The following PALLD variants were observed in gnomAD, a reference collection of about 807,000 sequenced individuals.
PALLD encodes the protein palladin, cytoskeletal associated protein, also known as palladin.
PALLD carries 61 observed loss-of-function variants against 123.5 expected under a neutral mutation model. That is an observed-to-expected ratio of 0.49 (90% CI 0.40 to 0.61). PALLD has a LOEUF of 0.61. PALLD is among the 20% of genes least tolerant of loss of function. The probability of loss-of-function intolerance (pLI) is 0.00; values close to 1 mark genes in which losing one functional copy is unlikely to be tolerated. For synonymous variants in PALLD, 465 were observed against 496.4 expected (o/e 0.94, Z 0.84); for missense variants, 1,273 against 1,377.0 (o/e 0.92, Z 1.20).
intron 10 of PALLD, among the ~76,000 whole-genome samples, chr4:168,783,299 G>A (rs1016790603): frequency 5.3e-5 from 8 of 152,060 alleles, no homozygotes; most frequent in Non-Finnish European, 1.0e-4. Context: ...TGATCTCCAG[G>A]AGCTCATAGT....
intron 8 of PALLD, among the ~76,000 whole-genome samples, chr4:168,704,517 A>G (rs1784032221): frequency 3.3e-5 from 5 of 152,038 alleles, no homozygotes; most frequent in Admixed American, 3.3e-4. Flanking sequence ...TAAAAATACA[A>G]AAAAATTAGC....
intron 10 of PALLD, among the ~76,000 whole-genome samples, chr4:168,780,262 C>T (rs1367666493): frequency 2.0e-5 from 3 of 152,198 alleles, no homozygotes; most frequent in African/African-American, 4.8e-5. Flanking sequence ...CTATTTTCCC[C>T]TCTTTTCCCT....
intron 10 of PALLD, among the ~76,000 whole-genome samples, chr4:168,754,742 A>T (rs1731545397): frequency 6.6e-6 from 1 of 152,188 alleles, no homozygotes; most frequent in Non-Finnish European, 1.5e-5. Flanking sequence ...AATACACACT[A>T]TACAGATGTT....
chr4:168,505,599 A>AC (rs1761923178), intron 1 of PALLD, among the ~76,000 whole-genome samples: 1 of 152,216 alleles, frequency 6.6e-6, no homozygotes, highest in Non-Finnish European at 1.5e-5. Context: ...AGTGCATAGA[A>AC]CATGAGCTCT....
intron 8 of PALLD, among the ~76,000 whole-genome samples, chr4:168,702,196 G>C (rs184763407): frequency 4.6e-5 from 7 of 151,952 alleles, no homozygotes; most frequent in African/African-American, 1.7e-4. Flanking sequence ...TAGAAAAAAA[G>C]AACATCAGCT....
chr4:168,847,600 A>T (rs1747061796), intron 10 of PALLD, among the ~76,000 whole-genome samples: 1 of 152,230 alleles, frequency 6.6e-6, no homozygotes, highest in African/African-American at 2.4e-5. Flanking sequence ...GAATTGTATG[A>T]GGATTGGTGG....
intron 2 of PALLD, among the ~76,000 whole-genome samples, chr4:168,657,622 T>C (rs1394041166): frequency 6.6e-6 from 1 of 152,214 alleles, no homozygotes; most frequent in Non-Finnish European, 1.5e-5. Context: ...GAGCAGCCTG[T>C]AAAATTGAGC....
At chr4:168,738,951 G>T (rs1788053321) in intron 10 of PALLD, among the ~76,000 whole-genome samples, 1 of 152,088 alleles carries the variant, frequency 6.6e-6, no homozygotes. Flanking sequence ...GTCCAGGCAG[G>T]TATCTATCAT....
chr4:168,497,944 T>A (rs116694965), intron 1 of PALLD, among the ~76,000 whole-genome samples: 1 of 152,220 alleles, frequency 6.6e-6, no homozygotes, highest in Non-Finnish European at 1.5e-5. Flanking sequence ...TTGCTAAAAA[T>A]ACTAATTGCC....
chr4:168,604,827 G>A (rs563346618), intron 2 of PALLD, among the ~76,000 whole-genome samples: 1 of 152,324 alleles, frequency 6.6e-6, no homozygotes, highest in South Asian at 2.1e-4. Flanking sequence ...GTCCTATTCA[G>A]TGTGTTAAAT....
At chr4:168,586,153 T>C in intron 2 of PALLD, among the ~76,000 whole-genome samples, 1 of 75,520 alleles carries the variant, frequency 1.3e-5, no homozygotes. Context: ...TCAAGAGACC[T>C]AAAAAAAAAA....
intron 15 of PALLD, among the ~76,000 whole-genome samples, chr4:168,907,620 A>G (rs1758077343): frequency 6.6e-6 from 1 of 152,164 alleles, no homozygotes; most frequent in Non-Finnish European, 1.5e-5. Flanking sequence ...AAGCCCCAAA[A>G]GAGAGTGGTT....
chr4:168,836,126 C>T (rs894229272), intron 10 of PALLD, among the ~76,000 whole-genome samples: 4 of 152,172 alleles, frequency 2.6e-5, no homozygotes, highest in Admixed American at 6.5e-5. Context: ...AGGTGAGCCT[C>T]TCTTCCTTGT....
At chr4:168,727,978 A>T (rs1267401578) in intron 10 of PALLD, among the ~76,000 whole-genome samples, 1 of 152,082 alleles carries the variant, frequency 6.6e-6, no homozygotes, top group Non-Finnish European at 1.5e-5. Flanking sequence ...CCTTTTCCCC[A>T]TTGCTTGTTT....
At chr4:168,856,157 G>A (rs1748579528) in intron 10 of PALLD, among the ~76,000 whole-genome samples, 1 of 152,156 alleles carries the variant, frequency 6.6e-6, no homozygotes. Context: ...CATCCATGTT[G>A]CTACAAAGGA....
chr4:168,848,134 G>A (rs1249697311), intron 10 of PALLD, among the ~76,000 whole-genome samples: 1 of 151,686 alleles, frequency 6.6e-6, no homozygotes, highest in South Asian at 2.1e-4. Flanking sequence ...AGCCTCCTCC[G>A]GCAACCCTAC....
chr4:168,744,119 C>T (rs757044753), intron 10 of PALLD, among the ~76,000 whole-genome samples: 1 of 152,150 alleles, frequency 6.6e-6, no homozygotes, highest in Non-Finnish European at 1.5e-5. Flanking sequence ...CAGAGGACAA[C>T]ACTCTGGGGC....
chr4:168,587,991 G>A (rs1302883262), intron 2 of PALLD, among the ~76,000 whole-genome samples: 1 of 152,096 alleles, frequency 6.6e-6, no homozygotes, highest in Admixed American at 6.5e-5. Flanking sequence ...TTTCTCCAGG[G>A]CTAAACCCCT....
Position 168,803,293 on chromosome 4 carries a change from G to A in PALLD, c.1965-87629G>A, listed in dbSNP as rs1398076145. On this transcript the variant is annotated intron_variant, in intron 10 of 21. Transcript: ENST00000505667. ...CATGGTGGAGTTGGAGAGAGAGAGA[G>A]CAAAGGGGGAAGTGCCACACACTCT... Among the ~76,000 whole-genome samples the A allele has an allele frequency of 2.6e-5, 4 of 152,198 alleles. No individual in the cohort carries two copies. In the East Asian group the frequency reaches 5.8e-4, roughly 22 times the overall value.
Sources: allele counts gnomAD v4.1 joint callset (sites outside exome capture counted in the v4.1 genomes callset), GRCh38; gene constraint gnomAD v4.1.1; transcripts MANE v1.5; gene names NCBI Gene and HGNC (gene_info 2026-07-23, HGNC 2026-07-21).